RPS6KA3: variants seen among roughly 807,000 people sequenced by gnomAD.
The protein encoded by RPS6KA3 is ribosomal protein S6 kinase A3.
A neutral mutation model predicts 67.2 loss-of-function variants in RPS6KA3; 4 were observed. The ratio of observed to expected loss-of-function variants is 0.06; its 90% CI spans 0.03 to 0.14. The LOEUF (loss-of-function observed/expected upper bound fraction) is 0.14. Ranked by LOEUF, RPS6KA3 falls within the 10% of genes least tolerant of loss-of-function variation. The pLI is 1.00. For missense variants in RPS6KA3, 204 were observed against 559.0 expected (o/e 0.36, Z 6.40); for synonymous variants, 182 against 183.7 (o/e 0.99, Z 0.07).
chrX:20,256,032 C>A (rs2070045276), intron 1 of RPS6KA3, among the ~76,000 whole-genome samples: 1 of 105,133 alleles, frequency 9.5e-6, no homozygotes, highest in Admixed American at 1.0e-4. Flanking sequence ...ATAACTTGAA[C>A]CCAGGAGGCA....
At chrX:20,158,567 G>A (rs182023009) in intron 20 of RPS6KA3, among the ~76,000 whole-genome samples, 2 of 110,315 alleles carry the variant, frequency 1.8e-5, no homozygotes, top group East Asian at 5.6e-4. Context: ...ATTGAACAGA[G>A]CTGGAAATAA....
intron 1 of RPS6KA3, among the ~76,000 whole-genome samples, chrX:20,237,649 G>T (rs1230457642): frequency 1.8e-5 from 2 of 111,425 alleles, no homozygotes; most frequent in African/African-American, 6.5e-5. Context: ...TCAAAAATGA[G>T]ATAATTCAGA....
chrX:20,253,935 G>A (rs1489873669), intron 1 of RPS6KA3, among the ~76,000 whole-genome samples: 3 of 111,167 alleles, frequency 2.7e-5, no homozygotes. Context: ...GTGGGCAGGA[G>A]ATAGCTTTAA....
chrX:20,234,702 A>G, intron 2 of RPS6KA3, 56 bp downstream of exon 2: 1 of 837,807 alleles, frequency 1.2e-6, no homozygotes, highest in Non-Finnish European at 1.8e-6. Flanking sequence ...AAAAATAATA[A>G]TAACTTTACA....
chrX:20,186,928 G>A (rs1365354458), intron 9 of RPS6KA3, among the ~76,000 whole-genome samples: 2 of 111,635 alleles, frequency 1.8e-5, no homozygotes, highest in African/African-American at 6.5e-5. Flanking sequence ...CCGTCTCCTG[G>A]GTTCAAGTGA....
intron 1 of RPS6KA3, among the ~76,000 whole-genome samples, chrX:20,236,174 C>T (rs1414307172): frequency 9.0e-6 from 1 of 110,979 alleles, no homozygotes; most frequent in Non-Finnish European, 1.9e-5. Flanking sequence ...CAGTGGTTAT[C>T]TCTGGGTGGT....
chrX:20,182,704 G>T (rs980575755), intron 10 of RPS6KA3, among the ~76,000 whole-genome samples: 1 of 111,285 alleles, frequency 9.0e-6, no homozygotes, highest in South Asian at 3.8e-4. Context: ...TTTTAACATG[G>T]GTGCATGTCT....
intron 7 of RPS6KA3, among the ~76,000 whole-genome samples, chrX:20,189,548 T>A: frequency 8.9e-6 from 1 of 112,049 alleles, no homozygotes; most frequent in Non-Finnish European, 1.9e-5. Context: ...TGGAGAGTAA[T>A]GCTATTAATC....
intron 1 of RPS6KA3, among the ~76,000 whole-genome samples, chrX:20,255,202 C>T (rs1352081672): frequency 9.0e-6 from 1 of 111,718 alleles, no homozygotes; most frequent in Non-Finnish European, 1.9e-5. Context: ...AACCTTGAAA[C>T]ATGCAAGAAC....
intron 1 of RPS6KA3, among the ~76,000 whole-genome samples, chrX:20,254,844 G>A (rs966210677): frequency 8.9e-6 from 1 of 111,801 alleles, no homozygotes; most frequent in South Asian, 3.7e-4. Flanking sequence ...AATAAGTGAT[G>A]GCAAGGATAC....
intron 4 of RPS6KA3, among the ~76,000 whole-genome samples, chrX:20,197,293 T>C (rs2068299762): frequency 8.9e-6 from 1 of 112,814 alleles, no homozygotes; most frequent in Admixed American, 9.4e-5. Flanking sequence ...TCCAAAGTCC[T>C]ACCTCTTTCA....
intron 2 of RPS6KA3, among the ~76,000 whole-genome samples, chrX:20,228,477 T>TC (rs1055555118): frequency 3.6e-5 from 4 of 111,552 alleles, no homozygotes; most frequent in African/African-American, 1.3e-4. Flanking sequence ...TCACTTGACC[T>TC]CCCTGTTTCC....
chrX:20,224,701 T>A (rs2069067970), intron 2 of RPS6KA3, among the ~76,000 whole-genome samples: 1 of 111,634 alleles, frequency 9.0e-6, no homozygotes, highest in Admixed American at 9.5e-5. Context: ...TTCATGAAGA[T>A]GATCAACTTG....
At chrX:20,163,445 G>A (rs986835716) in intron 18 of RPS6KA3, among the ~76,000 whole-genome samples, 2 of 102,695 alleles carry the variant, frequency 1.9e-5, no homozygotes, top group Non-Finnish European at 3.9e-5. Flanking sequence ...TACGAACTAT[G>A]AGAAATACAA....
Position 20,150,534 on chromosome X carries a change from C to A in RPS6KA3, c.*4864G>T, listed in dbSNP as rs1465157181. 1.8e-5 allele frequency: 2 copies of A among 112,456 alleles called. No homozygotes were observed. Among genetic ancestry groups the A allele is most frequent in the Non-Finnish European group, 3.8e-5 (2 of 53,167 alleles). 9.3% of individuals were successfully genotyped at this position (112,456 alleles called of 1,213,427 possible). A position where few individuals can be genotyped will look rare whatever the true frequency, so the allele number is the denominator to read the frequency against. The stretch of plus-strand genomic sequence containing the variant: ...CTTTTTTTAAAATTAAAAACCAAAG[C>A]TTTAGATGGTAAACTACACTTACAG... On this transcript the variant is annotated 3_prime_UTR_variant, in exon 22 of 22. Coordinates refer to ENST00000379565, the MANE Select transcript of RPS6KA3 (RefSeq NM_004586.3).
Position 20,200,616 on chromosome X carries a change from TTAAGA to T in RPS6KA3, c.325+3401_325+3405del, listed in dbSNP as rs2068402726. 4.5e-5 allele frequency among the ~76,000 whole-genome samples: 5 copies of T among 112,075 alleles called. 1 individual carries two copies. The Admixed American group carries it at 4.7e-4, about 11-fold the overall frequency. Reference sequence around the variant, plus strand: ...ACTACATTCATTTTTGTAATTTTATTTAAGATACTTTATTTTAATAATATCCTATT... The same window carrying T: ...ACTACATTCATTTTTGTAATTTTATTTACTTTATTTTAATAATATCCTATT... On this transcript the variant is annotated intron_variant, in intron 4 of 21. Coordinates refer to ENST00000379565, the MANE Select transcript of RPS6KA3 (RefSeq NM_004586.3).
intron 17 of RPS6KA3, among the ~76,000 whole-genome samples, chrX:20,165,985 C>T (rs2067426685): frequency 9.0e-6 from 1 of 111,568 alleles, no homozygotes; most frequent in African/African-American, 3.3e-5. Flanking sequence ...AAATTAGGCA[C>T]AGTAAGAGAT....
At chrX:20,163,158 T>A (rs983077557) in intron 18 of RPS6KA3, 118 bp from the exon 19 acceptor site, 2 of 524,635 alleles carry the variant, frequency 3.8e-6, no homozygotes, top group African/African-American at 4.6e-5. Flanking sequence ...CAACAGAACA[T>A]GGTTACCAAA....
intron 1 of RPS6KA3, among the ~76,000 whole-genome samples, chrX:20,243,166 A>T (rs762645569): frequency 8.9e-6 from 1 of 112,049 alleles, no homozygotes; most frequent in Admixed American, 9.4e-5. Flanking sequence ...AGATATAATC[A>T]ATATTGAGTA....
Sources: gnomAD v4.1 joint callset for allele counts (sites outside exome capture counted in the v4.1 genomes callset) on GRCh38, gnomAD v4.1.1 for gene constraint, MANE v1.5 for transcripts, NCBI Gene and HGNC (gene_info 2026-07-23, HGNC 2026-07-21) for gene names.